PDE4D: variants seen among roughly 807,000 people sequenced by gnomAD.
The protein encoded by PDE4D is 3',5'-cyclic-AMP phosphodiesterase 4D.
PDE4D carries 24 observed loss-of-function variants against 87.4 expected under a neutral mutation model. That is an observed-to-expected ratio of 0.27 (90% CI 0.20 to 0.39). The LOEUF (loss-of-function observed/expected upper bound fraction) is 0.39, where lower values mean the gene tolerates loss of function less well. Among genes scored for constraint, PDE4D ranks in the 10% least tolerant of loss-of-function variants. The pLI is 1.00. For missense variants in PDE4D, 714 were observed against 1,041.0 expected (o/e 0.69, Z 4.32); for synonymous variants, 384 against 383.2 (o/e 1.00, Z -0.02).
At chr5:59,168,717 GAA>G (rs1205887098) in intron 5 of PDE4D, among the ~76,000 whole-genome samples, 1 of 152,166 alleles carries the variant, frequency 6.6e-6, no homozygotes, top group Non-Finnish European at 1.5e-5. Flanking sequence ...AGAAAAAAAA[GAA>G]GAGAGATGTC....
At chr5:60,003,570 C>T (rs1466073618) in intron 2 of PDE4D, among the ~76,000 whole-genome samples, 3 of 151,798 alleles carry the variant, frequency 2.0e-5, no homozygotes, top group South Asian at 4.2e-4. Flanking sequence ...ATTAGCCGAA[C>T]GTGGTGGCAG....
chr5:60,214,792 G>A (rs905073389), intron 1 of PDE4D, among the ~76,000 whole-genome samples: 6 of 152,104 alleles, frequency 3.9e-5, no homozygotes, highest in African/African-American at 1.4e-4. Context: ...GTCCTAAAAG[G>A]AGACATTTAA....
intron 1 of PDE4D, among the ~76,000 whole-genome samples, chr5:59,307,448 C>T (rs1325513513): frequency 1.7e-4 from 26 of 151,982 alleles, no homozygotes; most frequent in South Asian, 2.1e-4. Context: ...AGAAAATTTT[C>T]GCAACCTACT....
intron 1 of PDE4D, among the ~76,000 whole-genome samples, chr5:59,503,810 T>C (rs1285454128): frequency 6.6e-6 from 1 of 152,178 alleles, no homozygotes; most frequent in Non-Finnish European, 1.5e-5. Flanking sequence ...GTTGGAACTC[T>C]CCAGAACAGT....
intron 1 of PDE4D, among the ~76,000 whole-genome samples, chr5:59,312,942 A>C (rs1273714352): frequency 6.6e-6 from 1 of 152,110 alleles, no homozygotes; most frequent in Non-Finnish European, 1.5e-5. Context: ...AATGGGCCAA[A>C]TGGGAGGAAG....
intron 1 of PDE4D, among the ~76,000 whole-genome samples, chr5:59,467,041 A>G (rs962016505): frequency 6.6e-6 from 1 of 152,194 alleles, no homozygotes; most frequent in African/African-American, 2.4e-5. Context: ...AAGAGGAGCT[A>G]AGGACACAGA....
chr5:59,998,838 G>A (rs992563830), intron 2 of PDE4D, among the ~76,000 whole-genome samples: 2 of 152,070 alleles, frequency 1.3e-5, no homozygotes, highest in Non-Finnish European at 2.9e-5. Context: ...TAAGAACTTA[G>A]TATGTGTCAA....
chr5:59,982,306 T>C (rs1762004753), intron 3 of PDE4D, among the ~76,000 whole-genome samples: 1 of 152,224 alleles, frequency 6.6e-6, no homozygotes. Context: ...TGTCATCATG[T>C]CACAAGGGAA....
intron 1 of PDE4D, among the ~76,000 whole-genome samples, chr5:59,282,020 C>T (rs1765885420): frequency 6.6e-6 from 1 of 152,134 alleles, no homozygotes; most frequent in Non-Finnish European, 1.5e-5. Flanking sequence ...AATATCTTTG[C>T]CTTTACCAAC....
intron 5 of PDE4D, among the ~76,000 whole-genome samples, chr5:59,172,384 T>C (rs112751836): frequency 0.24 from 31,767 of 135,092 alleles, 4,048 homozygotes; most frequent in African/African-American, 0.28. Context: ...TATATATTTA[T>C]ATAAATATAT....
intron 1 of PDE4D, among the ~76,000 whole-genome samples, chr5:59,533,569 A>C (rs578180256): frequency 1.3e-5 from 2 of 152,250 alleles, no homozygotes; most frequent in African/African-American, 4.8e-5. Context: ...GGCGACAACA[A>C]AGCTATTCAT....
intron 1 of PDE4D, among the ~76,000 whole-genome samples, chr5:59,789,566 A>C (rs1561665141): frequency 6.6e-6 from 1 of 152,270 alleles, no homozygotes; most frequent in Admixed American, 6.5e-5. Flanking sequence ...GAAGTCATAC[A>C]GTATATTTAA....
chr5:60,365,155 A>G (rs574170932), intron 1 of PDE4D, among the ~76,000 whole-genome samples: 51 of 152,234 alleles, frequency 3.4e-4, no homozygotes, highest in Non-Finnish European at 7.1e-4. Flanking sequence ...GGGCAAACTT[A>G]TATACCAGAG....
At chr5:60,127,685 T>C in intron 2 of PDE4D, 1 of 582,426 alleles carries the variant, frequency 1.7e-6, no homozygotes. Flanking sequence ...AAGCAGGCTG[T>C]GAGGGGAAAA....
chr5:59,647,550 A>G (rs1275122468), intron 1 of PDE4D, among the ~76,000 whole-genome samples: 1 of 151,922 alleles, frequency 6.6e-6, no homozygotes. Context: ...ACACACTTTA[A>G]ATAACTAAAA....
rs148940686 is a variant in PDE4D, at chr5:59,354,465, G to A, written c.456-138497C>T. Among the ~76,000 whole-genome samples, 523 of 152,176 alleles carry A rather than the reference G, an allele frequency of 3.4e-3. 4 individuals carry two copies. The highest frequency in any genetic ancestry group is 0.012 in the African/African-American group (504 of 41,524). On this transcript the variant is annotated intron_variant, in intron 1 of 14. Coordinates refer to ENST00000340635, the MANE Select transcript of PDE4D (RefSeq NM_001104631.2). ...CTATGCTCTTCAGAAGATAATTATA[G>A]CATTTAACTGTGCGTGCATGTGCCT... is the stretch of plus-strand genomic sequence containing the variant.
intron 2 of PDE4D, among the ~76,000 whole-genome samples, chr5:60,043,746 G>C (rs1325602745): frequency 6.6e-6 from 1 of 151,646 alleles, no homozygotes; most frequent in Non-Finnish European, 1.5e-5. Flanking sequence ...TCTTTACGTA[G>C]ATTTCAGTTT....
chr5:60,444,950 A>G (rs910527415), intron 1 of PDE4D, among the ~76,000 whole-genome samples: 1 of 151,936 alleles, frequency 6.6e-6, no homozygotes, highest in African/African-American at 2.4e-5. Context: ...GTGTCTACAA[A>G]CACTCTGAAG....
chr5:59,450,902 T>C (rs1799056212), intron 1 of PDE4D, among the ~76,000 whole-genome samples: 1 of 152,186 alleles, frequency 6.6e-6, no homozygotes, highest in African/African-American at 2.4e-5. Flanking sequence ...TTACCAAATC[T>C]TTTCCATAAG....
Sources: allele counts gnomAD v4.1 joint callset (sites outside exome capture counted in the v4.1 genomes callset), GRCh38; gene constraint gnomAD v4.1.1; transcripts MANE v1.5; gene names NCBI Gene and HGNC (gene_info 2026-07-23, HGNC 2026-07-21).